Variants in ANKRD27 observed in about 807,000 individuals in gnomAD.
ANKRD27 encodes ankyrin repeat domain-containing protein 27.
ANKRD27 carries 112 observed loss-of-function variants against 129.7 expected under a neutral mutation model. The observed-to-expected ratio is 0.86, with a 90% CI of 0.74 to 1.01. ANKRD27 has a LOEUF of 1.01. Among genes scored for constraint, ANKRD27 ranks in the 50% least tolerant of loss-of-function variants. The probability of loss-of-function intolerance (pLI) is 0.00; values close to 1 mark genes in which losing one functional copy is unlikely to be tolerated. For missense variants in ANKRD27, 1,258 were observed against 1,300.5 expected (o/e 0.97, Z 0.50); for synonymous variants, 516 against 511.2 (o/e 1.01, Z -0.13).
In ANKRD27 at chr19:32,602,128, T is replaced by C; in HGVS notation, c.2656-2A>G. On this transcript the variant is annotated splice_acceptor_variant, in intron 25 of 28. Coordinates refer to ENST00000306065, the MANE Select transcript of ANKRD27 (RefSeq NM_032139.3). LOFTEE classifies it high-confidence loss of function. Reference sequence around the variant, plus strand: ...AAGCAATTCCATTATTTTTGAATTCTGCAATTTGAAAGGGAAAAGGAACAG... The same window carrying C: ...AAGCAATTCCATTATTTTTGAATTCCGCAATTTGAAAGGGAAAAGGAACAG... 1 of 1,573,678 alleles carries C rather than the reference T, an allele frequency of 6.4e-7. No individual in the cohort carries two copies. Among genetic ancestry groups the C allele is most frequent in the East Asian group, 2.2e-5 (1 of 44,706 alleles).
chr19:32,599,838 C>A (rs1260810541), intron 27 of ANKRD27, 62 bp from the exon 28 acceptor site: 2 of 1,579,498 alleles, frequency 1.3e-6, no homozygotes, highest in Non-Finnish European at 1.7e-6. Context: ...CTCTGGTTGG[C>A]CACAAGGTGG....
intron 16 of ANKRD27, among the ~76,000 whole-genome samples, 155 bp from the exon 17 acceptor site, chr19:32,626,121 A>C (rs1268610326): frequency 2.0e-5 from 3 of 152,188 alleles, no homozygotes. Flanking sequence ...CTGACACTTG[A>C]GAGACTGAAG....
intron 13 of ANKRD27, 121 bp from the exon 14 acceptor site, chr19:32,628,970 G>GAC: frequency 1.8e-6 from 2 of 1,090,370 alleles, no homozygotes; most frequent in Non-Finnish European, 2.6e-6. Context: ...GCCCAGGCTG[G>GAC]AGTGCAATGG....
intron 1 of ANKRD27, among the ~76,000 whole-genome samples, chr19:32,672,356 T>C (rs259284): frequency 0.54 from 82,283 of 152,062 alleles, 23,556 homozygotes; most frequent in Non-Finnish European, 0.65. Flanking sequence ...CATTTAGAGA[T>C]CCTGTCCATA....
In ANKRD27 at chr19:32,604,352, C is replaced by T. The variant is rs146477835; in HGVS notation, c.2566G>A (p.Val856Ile). ...AGCAGAAGCAGCTCTACCACGAAGA[C>T]GTGCTTTTCAATCACAGCCTCGTGC... Reference protein sequence around the residue: ...ALHEAVIEKHVFVVELLLLHG... With the variant: ...ALHEAVIEKHIFVVELLLLHG... The change falls in exon 25 of 29, where the codon GTC (valine) becomes ATC (isoleucine). Residue 856 changes from valine (V) to isoleucine (I), a missense_variant. Coordinates refer to ENST00000306065, the MANE Select transcript of ANKRD27 (RefSeq NM_032139.3). The T allele has an allele frequency of 9.3e-6, 15 of 1,613,914 alleles. No homozygotes were observed. Among genetic ancestry groups the T allele is most frequent in the East Asian group, 4.5e-5 (2 of 44,880 alleles).
chr19:32,668,472 C>A (rs1202681491), intron 1 of ANKRD27, among the ~76,000 whole-genome samples: 1 of 128,492 alleles, frequency 7.8e-6, no homozygotes, highest in Non-Finnish European at 1.7e-5. Context: ...GTCTTATCTT[C>A]ATCTTTTTTT....
chr19:32,607,629 C>T lies in ANKRD27; in HGVS notation c.2373+6G>A, dbSNP rs201306513. The stretch of plus-strand genomic sequence containing the variant: ...TGCTCCACCACCCCCAACACACAGC[C>T]CGAACCTGAAAGTGGCCCTGCTGGC... On this transcript the variant is annotated splice_donor_region_variant and intron_variant, in intron 23 of 28. Coordinates refer to ENST00000306065, the MANE Select transcript of ANKRD27 (RefSeq NM_032139.3). The T allele has an allele frequency of 5.8e-5, 94 of 1,610,596 alleles. No individual in the cohort carries two copies. Among genetic ancestry groups the T allele is most frequent in the Non-Finnish European group, 7.6e-5 (90 of 1,179,416 alleles).
rs777294453 is a variant in ANKRD27, at chr19:32,613,448, GAA to G, written c.2175+2208_2175+2209del. Among the ~76,000 whole-genome samples, 8 of 152,296 alleles carry G rather than the reference GAA, an allele frequency of 5.3e-5. No homozygotes were observed. In the East Asian group the frequency reaches 9.6e-4, roughly 18 times the overall value. On this transcript the variant is annotated intron_variant, in intron 22 of 28. Transcript: ENST00000306065. Reference sequence around the variant, plus strand: ...ATTGCACTCTTGGGCACTTATCCTAGAAAAATGAAAACTTGTGTTCTTACCGA... The same window carrying G: ...ATTGCACTCTTGGGCACTTATCCTAGAAATGAAAACTTGTGTTCTTACCGA...
At chr19:32,640,471 G>T in intron 10 of ANKRD27, 86 bp from the exon 11 acceptor site, 1 of 1,057,628 alleles carries the variant, frequency 9.5e-7, no homozygotes, top group Non-Finnish European at 1.5e-6. Flanking sequence ...CGCACACCTT[G>T]TGAAACCACG....
In ANKRD27 at chr19:32,622,407, G is replaced by A; in HGVS notation, c.1827+15C>T. 2 of 1,613,334 alleles carry A rather than the reference G, an allele frequency of 1.2e-6. No homozygotes were observed. Among genetic ancestry groups the A allele is most frequent in the Non-Finnish European group, 1.7e-6 (2 of 1,179,736 alleles). ...TTTCGAAGTCATCTTGCCCCTCAGA[G>A]ATGGGAAGAGCTACCTTTGAGTTTA... On this transcript the variant is annotated intron_variant, in intron 18 of 28. Transcript: ENST00000306065.
chr19:32,625,437 T>G (rs1236836279), intron 17 of ANKRD27, among the ~76,000 whole-genome samples: 1 of 19,418 alleles, frequency 5.1e-5, no homozygotes, highest in Non-Finnish European at 1.1e-4. Context: ...AACATTCTCT[T>G]TTTTTTTTTT....
intron 12 of ANKRD27, 132 bp downstream of exon 12, chr19:32,639,223 AG>A: frequency 9.5e-7 from 1 of 1,052,260 alleles, no homozygotes; most frequent in Non-Finnish European, 1.4e-6. Context: ...TAAGACTCAC[AG>A]CCCTCAAACA....
At chr19:32,600,200 C>G in intron 26 of ANKRD27, 150 bp from the exon 27 acceptor site, 2 of 601,746 alleles carry the variant, frequency 3.3e-6, no homozygotes, top group Non-Finnish European at 5.8e-6. Flanking sequence ...ACAGCTAGTA[C>G]CTATTTATAA....
Position 32,608,892 on chromosome 19 carries a change from G to A in ANKRD27, c.2176-1060C>T, listed in dbSNP as rs546944285. On this transcript the variant is annotated intron_variant, in intron 22 of 28. Coordinates refer to ENST00000306065, the MANE Select transcript of ANKRD27 (RefSeq NM_032139.3). ...GAATCGCTCAAACCCAGGAGGCGAA[G>A]GTTGCAGTGAGCCAAGATCACACCA... 2.6e-5 allele frequency among the ~76,000 whole-genome samples: 4 copies of A among 152,226 alleles called. 1 individual carries two copies. The highest frequency in any genetic ancestry group is 9.6e-5 in the African/African-American group (4 of 41,566).
intron 2 of ANKRD27, among the ~76,000 whole-genome samples, chr19:32,652,865 T>C (rs1387355705): frequency 1.3e-5 from 2 of 151,894 alleles, no homozygotes; most frequent in African/African-American, 2.4e-5. Context: ...GAGGTGGAGG[T>C]TGCAGTGAGC....
intron 1 of ANKRD27, among the ~76,000 whole-genome samples, chr19:32,662,542 G>A (rs1967667126): frequency 1.3e-5 from 2 of 151,986 alleles, no homozygotes; most frequent in Non-Finnish European, 2.9e-5. Flanking sequence ...TTCAAGACTA[G>A]CCTGGGCAAA....
At chr19:32,612,277 G>A (rs1234069799) in intron 22 of ANKRD27, among the ~76,000 whole-genome samples, 3 of 152,100 alleles carry the variant, frequency 2.0e-5, no homozygotes, top group African/African-American at 7.2e-5. Flanking sequence ...CTCAACATAC[G>A]TTGAGTCATA....
chr19:32,617,440 A>C, intron 21 of ANKRD27, 149 bp downstream of exon 21: 2 of 457,696 alleles, frequency 4.4e-6, no homozygotes, highest in Non-Finnish European at 8.0e-6. Context: ...CCATCTATTC[A>C]AGAGGCTGAG....
chr19:32,662,044 G>A (rs1027226737), intron 1 of ANKRD27, among the ~76,000 whole-genome samples: 2 of 152,108 alleles, frequency 1.3e-5, no homozygotes, highest in African/African-American at 4.8e-5. Flanking sequence ...CAGGCACGGT[G>A]GCTCACGCCT....
Sources: allele counts gnomAD v4.1 joint callset (sites outside exome capture counted in the v4.1 genomes callset), GRCh38; gene constraint gnomAD v4.1.1; transcripts MANE v1.5; gene names NCBI Gene and HGNC (gene_info 2026-07-23, HGNC 2026-07-21).